Variants in LAMA2 observed in about 807,000 individuals in gnomAD.
LAMA2 encodes the protein laminin subunit alpha-2.
LAMA2 carries 269 observed loss-of-function variants against 364.8 expected under a neutral mutation model. That is an observed-to-expected ratio of 0.74 (90% CI 0.67 to 0.82). The LOEUF (loss-of-function observed/expected upper bound fraction) is 0.82, where lower values mean the gene tolerates loss of function less well. LAMA2 is among the 40% of genes least tolerant of loss of function. The pLI, the probability that LAMA2 is intolerant of heterozygous loss-of-function variation, is 0.00. For synonymous variants in LAMA2, 1,379 were observed against 1,370.6 expected (o/e 1.01, Z -0.14); for missense variants, 3,807 against 3,873.2 (o/e 0.98, Z 0.45).
In LAMA2 at chr6:129,251,095, T is replaced by C. The variant is rs1029959836; in HGVS notation, c.1884+882T>C. Among the ~76,000 whole-genome samples, 11 of 142,590 alleles carry C rather than the reference T, an allele frequency of 7.7e-5. No individual in the cohort carries two copies. In the Admixed American group the frequency reaches 7.9e-4, roughly 10 times the overall value. 93.5% of individuals were successfully genotyped at this position (142,590 alleles called of 152,430 possible). A position where few individuals can be genotyped will look rare whatever the true frequency, so the allele number is the denominator to read the frequency against. Reference sequence around the variant, plus strand: ...CTCTCTCTATATATATATATATATATATATATATATGGCAACTAGATGTAT... The same window carrying C: ...CTCTCTCTATATATATATATATATACATATATATATGGCAACTAGATGTAT... On this transcript the variant is annotated intron_variant, in intron 13 of 64. Coordinates refer to ENST00000421865, the MANE Select transcript of LAMA2 (RefSeq NM_000426.4).
At chr6:129,271,740 C>G (rs1787956546) in intron 17 of LAMA2, among the ~76,000 whole-genome samples, 1 of 152,102 alleles carries the variant, frequency 6.6e-6, no homozygotes, top group Non-Finnish European at 1.5e-5. Flanking sequence ...GTATTGTACA[C>G]TTTCCAGCTA....
intron 51 of LAMA2, among the ~76,000 whole-genome samples, chr6:129,467,734 A>G (rs572601185): frequency 5.3e-5 from 8 of 152,042 alleles, no homozygotes; most frequent in Middle Eastern, 3.4e-3. Flanking sequence ...CCATTAAAAC[A>G]AATAAACAAA....
At chr6:129,289,847 C>G (rs987620263) in intron 19 of LAMA2, among the ~76,000 whole-genome samples, 1 of 152,020 alleles carries the variant, frequency 6.6e-6, no homozygotes, top group Non-Finnish European at 1.5e-5. Context: ...ATTTTTAATG[C>G]TCTTTGCCAT....
At chr6:129,435,578 A>G (rs1405355523) in intron 41 of LAMA2, among the ~76,000 whole-genome samples, 1 of 152,186 alleles carries the variant, frequency 6.6e-6, no homozygotes, top group Non-Finnish European at 1.5e-5. Flanking sequence ...GATGTTTTAG[A>G]GCCGTGCTTT....
At chr6:129,244,429 C>T (rs1002965806) in intron 12 of LAMA2, among the ~76,000 whole-genome samples, 1 of 152,010 alleles carries the variant, frequency 6.6e-6, no homozygotes, top group African/African-American at 2.4e-5. Context: ...AATCGCTTGC[C>T]CTGTTTGTGA....
At chr6:129,272,371 TG>T (rs1427329624) in intron 17 of LAMA2, among the ~76,000 whole-genome samples, 1 of 152,154 alleles carries the variant, frequency 6.6e-6, no homozygotes, top group African/African-American at 2.4e-5. Flanking sequence ...CTCATAGGGT[TG>T]ATGTGGGAAA....
At chr6:129,284,198 C>T (rs1334462530) in intron 18 of LAMA2, among the ~76,000 whole-genome samples, 3 of 151,558 alleles carry the variant, frequency 2.0e-5, no homozygotes, top group East Asian at 3.9e-4. Context: ...ATTACAGCCA[C>T]GCCTCTTTAT....
intron 4 of LAMA2, among the ~76,000 whole-genome samples, chr6:129,142,194 G>A (rs995162313): frequency 6.6e-6 from 1 of 151,968 alleles, no homozygotes; most frequent in East Asian, 1.9e-4. Context: ...GAATAATATT[G>A]TCTTTGTCAG....
At chr6:129,144,697 T>C (rs1778328174) in intron 5 of LAMA2, among the ~76,000 whole-genome samples, 1 of 152,062 alleles carries the variant, frequency 6.6e-6, no homozygotes, top group Non-Finnish European at 1.5e-5. Flanking sequence ...GCTTGATTAA[T>C]GAATCACAAG....
chr6:129,388,891 G>C (rs977332988), intron 35 of LAMA2, among the ~76,000 whole-genome samples: 1 of 152,144 alleles, frequency 6.6e-6, no homozygotes, highest in African/African-American at 2.4e-5. Context: ...ACCATAGGTA[G>C]AGCCAAATCT....
At chr6:129,333,892 A>G (rs1775797371) in intron 29 of LAMA2, among the ~76,000 whole-genome samples, 1 of 152,206 alleles carries the variant, frequency 6.6e-6, no homozygotes, top group East Asian at 1.9e-4. Flanking sequence ...ATTGACTATT[A>G]TGACTATTTT....
At chr6:129,388,257 A>G (rs963994291) in intron 35 of LAMA2, among the ~76,000 whole-genome samples, 1 of 150,252 alleles carries the variant, frequency 6.7e-6, no homozygotes, top group Admixed American at 6.6e-5. Context: ...CTCCATCTCA[A>G]AAAAAAAAAA....
intron 14 of LAMA2, among the ~76,000 whole-genome samples, chr6:129,257,246 A>G (rs1025801910): frequency 6.6e-6 from 1 of 152,082 alleles, no homozygotes; most frequent in Admixed American, 6.6e-5. Flanking sequence ...CATGAGTAAC[A>G]CTTGAAACTG....
chr6:129,116,202 A>G (rs987679018), intron 4 of LAMA2, among the ~76,000 whole-genome samples: 7 of 152,176 alleles, frequency 4.6e-5, no homozygotes, highest in Non-Finnish European at 8.8e-5. Context: ...ATTTTAAGCA[A>G]AGTTTCAGAA....
At chr6:129,123,298 T>A (rs1401903443) in intron 4 of LAMA2, among the ~76,000 whole-genome samples, 1 of 149,020 alleles carries the variant, frequency 6.7e-6, no homozygotes, top group Admixed American at 6.7e-5. Flanking sequence ...AGAGTAAGAC[T>A]CTGTCTCAAA....
At chr6:129,268,938 G>C (rs1054070062) in intron 16 of LAMA2, among the ~76,000 whole-genome samples, 1 of 152,004 alleles carries the variant, frequency 6.6e-6, no homozygotes, top group Non-Finnish European at 1.5e-5. Context: ...ACACAAAGAG[G>C]AGAATATTTG....
intron 8 of LAMA2, among the ~76,000 whole-genome samples, chr6:129,163,943 G>A (rs1032353449): frequency 2.0e-4 from 30 of 151,858 alleles, no homozygotes; most frequent in Non-Finnish European, 3.7e-4. Context: ...TTATATTCTC[G>A]GACATATTTA....
Position 129,475,381 on chromosome 6 carries a change from G to T in LAMA2, c.7440-9G>T, listed in dbSNP as rs369558532. 6.7e-6 allele frequency: 10 copies of T among 1,488,774 alleles called. No homozygotes were observed. Among genetic ancestry groups the T allele is most frequent in the East Asian group, 2.3e-5 (1 of 43,492 alleles). The allele number at this position is 1,488,774 out of a possible 1,614,324, so 92.2% of individuals were successfully genotyped here. On this transcript the variant is annotated splice_polypyrimidine_tract_variant and intron_variant, in intron 52 of 64. Coordinates refer to ENST00000421865, the MANE Select transcript of LAMA2 (RefSeq NM_000426.4). Reference sequence around the variant, plus strand: ...TTTTGTTTTTTTTTTCCTCTTTCCCGTTATCTAGTATGAAAGCAAGGTAAA... The same window carrying T: ...TTTTGTTTTTTTTTTCCTCTTTCCCTTTATCTAGTATGAAAGCAAGGTAAA...
chr6:128,889,332 ATTTCT>A (rs1437215816), intron 1 of LAMA2, among the ~76,000 whole-genome samples: 1 of 152,132 alleles, frequency 6.6e-6, no homozygotes, highest in Non-Finnish European at 1.5e-5. Context: ...TGATCTGATG[ATTTCT>A]TTTATGATAT....
Sources: gnomAD v4.1 joint callset for allele counts (sites outside exome capture counted in the v4.1 genomes callset) on GRCh38, gnomAD v4.1.1 for gene constraint, MANE v1.5 for transcripts, NCBI Gene and HGNC (gene_info 2026-07-23, HGNC 2026-07-21) for gene names.